PARD3B: variants seen among roughly 807,000 people sequenced by gnomAD.
PARD3B encodes par-3 family cell polarity regulator beta, also known as partitioning defective 3 homolog B.
A neutral mutation model predicts 130.2 loss-of-function variants in PARD3B; 103 were observed. The observed-to-expected ratio is 0.79, with a 90% CI of 0.67 to 0.93. PARD3B has a LOEUF of 0.93. PARD3B is among the 40% of genes least tolerant of loss of function. The pLI is 0.00. For missense variants in PARD3B, 1,609 were observed against 1,499.2 expected, an observed-to-expected ratio of 1.07 and a Z score of -1.21; for synonymous variants, 583 against 553.2, an observed-to-expected ratio of 1.05 and a Z score of -0.76.
chr2:204,816,981 T>C (rs1337026774), intron 2 of PARD3B, among the ~76,000 whole-genome samples: 1 of 152,112 alleles, frequency 6.6e-6, no homozygotes, highest in African/African-American at 2.4e-5. Context: ...GGCTCACTCA[T>C]CTTTTCCTTC....
At chr2:205,304,782 G>GA (rs902708715) in intron 18 of PARD3B, among the ~76,000 whole-genome samples, 16 of 151,796 alleles carry the variant, frequency 1.1e-4, no homozygotes, top group Middle Eastern at 3.4e-3. Flanking sequence ...ATAAAAAAAG[G>GA]AAAAAAACAC....
intron 15 of PARD3B, among the ~76,000 whole-genome samples, chr2:205,220,421 C>G (rs1470196086): frequency 1.3e-5 from 2 of 152,140 alleles, no homozygotes; most frequent in African/African-American, 2.4e-5. Flanking sequence ...TCCCAATTTC[C>G]TATACATTTC....
chr2:205,609,185 G>A (rs2055134455), intron 22 of PARD3B, among the ~76,000 whole-genome samples: 1 of 152,242 alleles, frequency 6.6e-6, no homozygotes, highest in Admixed American at 6.5e-5. Flanking sequence ...CTGGACCGAG[G>A]AGGAAGGTCT....
intron 1 of PARD3B, among the ~76,000 whole-genome samples, chr2:204,674,911 CA>C (rs1267295765): frequency 6.6e-6 from 1 of 152,150 alleles, no homozygotes; most frequent in Non-Finnish European, 1.5e-5. Context: ...GTGAGTTGTA[CA>C]AATTTGCATT....
In PARD3B at chr2:205,505,296, C is replaced by T. The variant is rs978259823; in HGVS notation, c.3180+5265C>T. ...AGGAGATATACCTAATGTTAAATGA[C>T]GAGTTGCTGGGTGCAGCACACGAAC... is the stretch of plus-strand genomic sequence containing the variant. On this transcript the variant is annotated intron_variant, in intron 21 of 22. Coordinates refer to ENST00000406610, the MANE Select transcript of PARD3B (RefSeq NM_001302769.2). Among the ~76,000 whole-genome samples the T allele has an allele frequency of 9.2e-5, 14 of 152,036 alleles. No homozygotes were observed. The South Asian group carries it at 1.2e-3, about 14-fold the overall frequency.
Position 205,235,156 on chromosome 2 carries a change from C to A in PARD3B, c.2141-10622C>A, listed in dbSNP as rs553203027. ...GTAAGAGAGGCTGTGTGAAATGGCT[C>A]ACACCTGTAATCACAGCAATTTGGG... On this transcript the variant is annotated intron_variant, in intron 15 of 22. Transcript: ENST00000406610. Among the ~76,000 whole-genome samples, 3 of 152,226 alleles carry A rather than the reference C, an allele frequency of 2.0e-5. No individual in the cohort carries two copies. In the East Asian group the frequency reaches 5.8e-4, roughly 29 times the overall value.
chr2:204,886,315 A>G (rs571334229), intron 2 of PARD3B, among the ~76,000 whole-genome samples: 14 of 152,310 alleles, frequency 9.2e-5, no homozygotes, highest in African/African-American at 3.1e-4. Context: ...AGTTCCCATC[A>G]TAAGTCACAC....
At chr2:204,883,399 TATATATTATATATATATA>T (rs2046126782) in intron 2 of PARD3B, among the ~76,000 whole-genome samples, 1 of 130,918 alleles carries the variant, frequency 7.6e-6, no homozygotes, top group Admixed American at 7.6e-5. Context: ...TGTATGTATA[TATATATTATATATATATA>T]ATATATATAT....
chr2:205,085,197 C>A (rs1021086823), intron 4 of PARD3B, among the ~76,000 whole-genome samples: 1 of 151,920 alleles, frequency 6.6e-6, no homozygotes, highest in Non-Finnish European at 1.5e-5. Context: ...TAATTAATGA[C>A]CTTTTAATTC....
chr2:205,350,852 G>C (rs1435883750), intron 18 of PARD3B, among the ~76,000 whole-genome samples: 1 of 151,680 alleles, frequency 6.6e-6, no homozygotes, highest in Non-Finnish European at 1.5e-5. Context: ...CATTTTGTTT[G>C]GTTTCCTAGC....
At chr2:204,831,052 GAATA>G (rs1200967022) in intron 2 of PARD3B, among the ~76,000 whole-genome samples, 2 of 152,032 alleles carry the variant, frequency 1.3e-5, no homozygotes, top group Middle Eastern at 3.2e-3. Flanking sequence ...TTTATTAATT[GAATA>G]AATAATAGGC....
At chr2:205,060,549 A>T (rs933104118) in intron 4 of PARD3B, among the ~76,000 whole-genome samples, 1 of 152,140 alleles carries the variant, frequency 6.6e-6, no homozygotes, top group Non-Finnish European at 1.5e-5. Context: ...AGTGTAATTT[A>T]GTTCTGTGTC....
intron 14 of PARD3B, among the ~76,000 whole-genome samples, 161 bp from the exon 15 acceptor site, chr2:205,193,044 A>G (rs2036479237): frequency 6.6e-6 from 1 of 152,256 alleles, no homozygotes; most frequent in African/African-American, 2.4e-5. Flanking sequence ...CAGAGTTGCT[A>G]CATCTCATAA....
At position 205,200,354 on chromosome 2, in the gene PARD3B, T is replaced by A. The variant is rs1326230999; in HGVS notation, c.2140+7034T>A. On this transcript the variant is annotated intron_variant, in intron 15 of 22. Transcript: ENST00000406610. Reference sequence around the variant, plus strand: ...ATATCTAACTTAATATTTGTATACTTCCCTGTCTGTTATACAAAGCAAACA... The same window carrying A: ...ATATCTAACTTAATATTTGTATACTACCCTGTCTGTTATACAAAGCAAACA... Among the ~76,000 whole-genome samples the A allele has an allele frequency of 2.6e-5, 4 of 152,312 alleles. No individual in the cohort carries two copies. The East Asian group carries it at 7.7e-4, about 29-fold the overall frequency.
chr2:204,597,675 T>C (rs557220429), intron 1 of PARD3B, among the ~76,000 whole-genome samples: 35 of 152,308 alleles, frequency 2.3e-4, no homozygotes, highest in Admixed American at 9.8e-4. Flanking sequence ...TCTTCTGTTA[T>C]TAGCATGTGT....
intron 2 of PARD3B, among the ~76,000 whole-genome samples, chr2:204,701,826 A>G (rs529879199): frequency 1.3e-5 from 2 of 152,180 alleles, no homozygotes; most frequent in South Asian, 2.1e-4. Flanking sequence ...TTGGAGTACC[A>G]GTGATCCTGT....
intron 2 of PARD3B, among the ~76,000 whole-genome samples, chr2:204,745,179 T>C (rs1038690452): frequency 6.6e-6 from 1 of 152,146 alleles, no homozygotes; most frequent in Admixed American, 6.6e-5. Flanking sequence ...AATCCTGTTC[T>C]GGTGATGCCA....
chr2:205,015,299 C>T lies in PARD3B; in HGVS notation c.395-32282C>T, dbSNP rs1351330673. The stretch of plus-strand genomic sequence containing the variant: ...AGATCAATATAAAGGTCTTCATCCT[C>T]ATCATCTGCCTGTTGAGTAGATGGA... On this transcript the variant is annotated intron_variant, in intron 3 of 22. Transcript: ENST00000406610. This position sits in a 1 kb window ranked among gnomAD's most constrained non-coding sequence, Gnocchi z 4.5. 6.6e-6 allele frequency among the ~76,000 whole-genome samples: 1 copy of T among 152,118 alleles called. No individual in the cohort carries two copies.
intron 4 of PARD3B, among the ~76,000 whole-genome samples, chr2:205,067,513 T>G (rs1403801320): frequency 6.6e-6 from 1 of 152,116 alleles, no homozygotes; most frequent in Non-Finnish European, 1.5e-5. Flanking sequence ...ATTTTAAATT[T>G]CAGTGTTTAT....
Sources: allele counts gnomAD v4.1 joint callset (sites outside exome capture counted in the v4.1 genomes callset), GRCh38; gene constraint gnomAD v4.1.1; non-coding constraint Gnocchi (gnomAD v3.1); transcripts MANE v1.5; gene names NCBI Gene and HGNC (gene_info 2026-07-23, HGNC 2026-07-21).